The following PRKCH variants were observed in gnomAD, a reference collection of about 807,000 sequenced individuals.
PRKCH encodes the protein protein kinase C eta.
In PRKCH, 28 loss-of-function variants were observed where a neutral mutation model predicts 82.5. The ratio of observed to expected loss-of-function variants is 0.34; its 90% confidence interval spans 0.25 to 0.47. The LOEUF (loss-of-function observed/expected upper bound fraction) is 0.47, where lower values mean the gene tolerates loss of function less well. Ranked by LOEUF, PRKCH falls within the 20% of genes least tolerant of loss-of-function variation. The pLI is 1.00. For missense variants in PRKCH, 705 were observed against 881.8 expected (o/e 0.80, Z 2.54); for synonymous variants, 322 against 327.4 (o/e 0.98, Z 0.18).
intron 1 of PRKCH, among the ~76,000 whole-genome samples, chr14:61,230,290 C>A (rs930156053): frequency 2.6e-5 from 4 of 152,128 alleles, no homozygotes; most frequent in Admixed American, 2.0e-4. Context: ...CATCTTTAGA[C>A]TCTGTTATTT....
At chr14:61,250,169 A>G (rs2140072452) in intron 1 of PRKCH, among the ~76,000 whole-genome samples, 1 of 151,284 alleles carries the variant, frequency 6.6e-6, no homozygotes, top group Admixed American at 6.6e-5. Flanking sequence ...CTGAGGCACA[A>G]GAATCACTTG....
intron 9 of PRKCH, among the ~76,000 whole-genome samples, chr14:61,481,897 C>T (rs1296607978): frequency 6.6e-6 from 1 of 151,986 alleles, no homozygotes; most frequent in Non-Finnish European, 1.5e-5. Context: ...CCCGAAGGGA[C>T]CTGAGGACAT....
intron 2 of PRKCH, among the ~76,000 whole-genome samples, chr14:61,420,782 G>A (rs1347376234): frequency 6.6e-6 from 1 of 152,116 alleles, no homozygotes; most frequent in East Asian, 1.9e-4. Flanking sequence ...AATGTTTCAG[G>A]AGTCCTGTAG....
chr14:61,251,132 C>T (rs113259346), intron 1 of PRKCH, among the ~76,000 whole-genome samples: 507 of 152,228 alleles, frequency 3.3e-3, no homozygotes, highest in African/African-American at 0.012. Context: ...TACTTTGATA[C>T]AGGCATGCAA....
chr14:61,193,164 A>G (rs1228214719), intron 1 of PRKCH, among the ~76,000 whole-genome samples: 1 of 152,204 alleles, frequency 6.6e-6, no homozygotes, highest in East Asian at 1.9e-4. Flanking sequence ...ATTGATGAAA[A>G]GACCTAAAGG....
chr14:61,396,735 GA>G (rs1260324280), intron 2 of PRKCH, among the ~76,000 whole-genome samples: 2 of 152,186 alleles, frequency 1.3e-5, no homozygotes. Flanking sequence ...TACAAGAAAC[GA>G]AAAGGAGTGT....
chr14:61,495,138 C>G (rs182975927), intron 10 of PRKCH, among the ~76,000 whole-genome samples: 8 of 152,196 alleles, frequency 5.3e-5, no homozygotes, highest in African/African-American at 1.9e-4. Flanking sequence ...CTTTTCAGAC[C>G]ATTAGTGGAG....
chr14:61,334,927 C>T (rs978518830), intron 1 of PRKCH, among the ~76,000 whole-genome samples: 11 of 151,932 alleles, frequency 7.2e-5, no homozygotes, highest in Admixed American at 7.2e-4. Flanking sequence ...GTCTTGAACT[C>T]CTGGGCTCAG....
upstream of PRKCH, among the ~76,000 whole-genome samples, chr14:61,319,023 A>T (rs2045586319): frequency 6.6e-6 from 1 of 152,168 alleles, no homozygotes; most frequent in Admixed American, 6.5e-5. Context: ...ACAAATCCTC[A>T]TCTTACCCTG....
chr14:61,194,378 A>G (rs767321121), intron 1 of PRKCH, among the ~76,000 whole-genome samples: 3 of 152,172 alleles, frequency 2.0e-5, no homozygotes, highest in African/African-American at 7.2e-5. Context: ...TTGGGGGGCA[A>G]TTAGGTCAGG....
intron 1 of PRKCH, among the ~76,000 whole-genome samples, chr14:61,387,790 A>G (rs893422676): frequency 1.1e-4 from 16 of 152,260 alleles, no homozygotes; most frequent in Non-Finnish European, 1.5e-5. Flanking sequence ...TGCATGAAAC[A>G]GTGCTTTTCC....
intron 1 of PRKCH, among the ~76,000 whole-genome samples, chr14:61,210,754 T>TTCTCTCTCTCTCTCTCTC (rs57385240): frequency 2.1e-5 from 3 of 144,316 alleles, no homozygotes; most frequent in African/African-American, 7.8e-5. Context: ...CAAGAGTCCT[T>TTCTCTCTCTCTCTCTCTC]TCTCTCTCTC....
In PRKCH at chr14:61,440,647, G is replaced by A. The variant is rs182952665; in HGVS notation, c.428-2464G>A. ...TCCCAGCACTTTGGGAGGCTGAGGC[G>A]GGTGGATCACAAGGTCAAGAGATCA... On this transcript the variant is annotated intron_variant, in intron 2 of 13. Coordinates refer to ENST00000332981, the MANE Select transcript of PRKCH (RefSeq NM_006255.5). Among the ~76,000 whole-genome samples the A allele has an allele frequency of 1.4e-4, 22 of 152,246 alleles. No homozygotes were observed. In the East Asian group the frequency reaches 2.7e-3, roughly 19 times the overall value.
intron 1 of PRKCH, among the ~76,000 whole-genome samples, chr14:61,269,626 T>C (rs1451976079): frequency 6.6e-6 from 1 of 152,244 alleles, no homozygotes; most frequent in Non-Finnish European, 1.5e-5. Flanking sequence ...TTTGGTTTTC[T>C]GAGGAGCTTT....
At chr14:61,442,246 C>T (rs1230645755) in intron 2 of PRKCH, among the ~76,000 whole-genome samples, 2 of 152,010 alleles carry the variant, frequency 1.3e-5, no homozygotes, top group East Asian at 1.9e-4. Flanking sequence ...TTTCAGAGTC[C>T]TCAGATTAGA....
intron 1 of PRKCH, among the ~76,000 whole-genome samples, chr14:61,332,263 A>G (rs1304635257): frequency 1.3e-5 from 2 of 152,220 alleles, no homozygotes; most frequent in Non-Finnish European, 2.9e-5. Context: ...TGACTATGGT[A>G]GTGTTTAAGT....
intron 2 of PRKCH, among the ~76,000 whole-genome samples, chr14:61,393,837 G>A (rs2046726003): frequency 6.6e-6 from 1 of 152,212 alleles, no homozygotes; most frequent in South Asian, 2.1e-4. Context: ...GGAATAATCT[G>A]GAGAAAAGCC....
chr14:61,417,770 C>G (rs1295508557), intron 2 of PRKCH, among the ~76,000 whole-genome samples: 2 of 152,106 alleles, frequency 1.3e-5, no homozygotes, highest in African/African-American at 2.4e-5. Context: ...GAAAGAGGAG[C>G]CTGTAGTGTG....
chr14:61,346,148 G>C (rs540637575), intron 1 of PRKCH, among the ~76,000 whole-genome samples: 2 of 152,086 alleles, frequency 1.3e-5, no homozygotes, highest in Admixed American at 6.5e-5. Context: ...CTCCCCAAAT[G>C]GACATGCCTC....
Sources: gnomAD v4.1 joint callset for allele counts (sites outside exome capture counted in the v4.1 genomes callset) on GRCh38, gnomAD v4.1.1 for gene constraint, MANE v1.5 for transcripts, NCBI Gene and HGNC (gene_info 2026-07-23, HGNC 2026-07-21) for gene names.